WDR72: variants seen among roughly 807,000 people sequenced by gnomAD.
The protein encoded by WDR72 is WD repeat-containing protein 72.
Under a neutral mutation model 124.2 loss-of-function variants are expected in WDR72, and 120 were observed. That is an observed-to-expected ratio of 0.97 (90% CI 0.83 to 1.12). The LOEUF is 1.12. Among genes scored for constraint, WDR72 ranks in the 50% most tolerant of loss-of-function variants. The pLI, the probability that WDR72 is intolerant of heterozygous loss-of-function variation, is 0.00. For synonymous variants in WDR72, 452 were observed against 441.7 expected (o/e 1.02, Z -0.29); for missense variants, 1,387 against 1,278.8 (o/e 1.08, Z -1.29).
chr15:53,623,293 A>C (rs1447627246), intron 14 of WDR72, among the ~76,000 whole-genome samples: 2 of 152,090 alleles, frequency 1.3e-5, no homozygotes, highest in African/African-American at 4.8e-5. Flanking sequence ...AGTAGTCCCC[A>C]GTGGCTATTG....
At position 53,705,013 on chromosome 15, in the gene WDR72, A is replaced by C. The variant is rs143040659; in HGVS notation, c.1323T>G (p.Leu441=). ...CTTTTACTAAAGAACCACCTTCCAGAAGTCTTGCTTTGGCAGCATTCAAAG... is the reference window on the plus strand; with the variant it reads ...CTTTTACTAAAGAACCACCTTCCAGCAGTCTTGCTTTGGCAGCATTCAAAG... ...TQALNAAKAR[L]LEGGSLVKDS... is the part of the protein sequence containing the mutation. Residue 441 remains leucine (L), a synonymous_variant, in exon 11 of 20, where the codon CTT becomes CTG. Transcript: ENST00000360509. 1.2e-5 allele frequency: 20 copies of C among 1,614,034 alleles called. No homozygotes were observed. In the South Asian group the frequency reaches 2.2e-4, roughly 18 times the overall value.
At chr15:53,596,980 A>C in intron 18 of WDR72, 99 bp downstream of exon 18, 1 of 1,154,496 alleles carries the variant, frequency 8.7e-7, no homozygotes, top group Non-Finnish European at 1.3e-6. Flanking sequence ...GTGCACCATG[A>C]TATAATCGAA....
intron 3 of WDR72, among the ~76,000 whole-genome samples, chr15:53,718,936 T>C (rs1167289984): frequency 1.3e-5 from 2 of 152,014 alleles, no homozygotes; most frequent in African/African-American, 4.8e-5. Context: ...TAGAAAATTG[T>C]TATATTCTCA....
intron 5 of WDR72, among the ~76,000 whole-genome samples, 189 bp downstream of exon 5, chr15:53,715,004 A>G (rs930092648): frequency 4.6e-5 from 7 of 152,248 alleles, no homozygotes; most frequent in African/African-American, 1.2e-4. Context: ...TGACTTTCCA[A>G]TGTTTTGAAC....
intron 18 of WDR72, among the ~76,000 whole-genome samples, chr15:53,568,490 T>G (rs1894382493): frequency 6.6e-6 from 1 of 151,944 alleles, no homozygotes; most frequent in Non-Finnish European, 1.5e-5. Flanking sequence ...GTGTAAACAT[T>G]TTCCTTAACT....
intron 13 of WDR72, among the ~76,000 whole-genome samples, chr15:53,696,919 T>G (rs1459696890): frequency 6.6e-6 from 1 of 152,190 alleles, no homozygotes; most frequent in Non-Finnish European, 1.5e-5. Context: ...AAGGCTCAAA[T>G]GAGGTGGTCA....
rs185095054 is a variant in WDR72, at chr15:53,526,754, G to A, written c.3149-3432C>T. Among the ~76,000 whole-genome samples, 68 of 152,170 alleles carry A rather than the reference G, an allele frequency of 4.5e-4. No homozygotes were observed. The East Asian group carries it at 9.7e-3, about 22-fold the overall frequency. On this transcript the variant is annotated intron_variant, in intron 18 of 19. Transcript: ENST00000360509. ...GGTGCATTTCAGAGCTTGGCAGAGA[G>A]ATACTTTTGACATCAATATAATGCA...
intron 17 of WDR72, among the ~76,000 whole-genome samples, chr15:53,605,711 T>C (rs2013250724): frequency 6.6e-6 from 1 of 151,836 alleles, no homozygotes; most frequent in Non-Finnish European, 1.5e-5. Flanking sequence ...AAAAATTAGC[T>C]GGGCATGGTG....
At chr15:53,760,968 G>C (rs2019052661), upstream of WDR72, among the ~76,000 whole-genome samples, 1 of 151,904 alleles carries the variant, frequency 6.6e-6, no homozygotes, top group Admixed American at 6.6e-5. Flanking sequence ...TACTGAAAAT[G>C]CAAAAATTAG....
chr15:53,517,132 C>G lies in WDR72; in HGVS notation c.*567G>C, dbSNP rs1290175987. The G allele has an allele frequency of 6.3e-6, 1 of 159,200 alleles. No individual in the cohort carries two copies. The highest frequency in any genetic ancestry group is 1.4e-5 in the Non-Finnish European group (1 of 72,438). The allele number at this position is 159,200 out of a possible 1,614,324, so 9.9% of individuals were successfully genotyped here. A position where few individuals can be genotyped will look rare whatever the true frequency, so the allele number is the denominator to read the frequency against. ...ATCTCTTATTTGGGCTAATTGATAACTAAATGGAACTGGGTATTTGTTGAC... is the reference window on the plus strand; with the variant it reads ...ATCTCTTATTTGGGCTAATTGATAAGTAAATGGAACTGGGTATTTGTTGAC... On this transcript the variant is annotated 3_prime_UTR_variant, in exon 20 of 20. Coordinates refer to ENST00000360509, the MANE Select transcript of WDR72 (RefSeq NM_182758.4).
At chr15:53,525,758 G>A (rs1395610328) in intron 18 of WDR72, among the ~76,000 whole-genome samples, 2 of 151,986 alleles carry the variant, frequency 1.3e-5, no homozygotes. Flanking sequence ...CTTGTGTGGG[G>A]GAGGGGAAAT....
chr15:53,687,578 C>A (rs1317906647), intron 13 of WDR72, among the ~76,000 whole-genome samples: 3 of 149,116 alleles, frequency 2.0e-5, no homozygotes, highest in African/African-American at 7.4e-5. Context: ...CAATAGCTTA[C>A]CAACCAAAAA....
chr15:53,671,700 T>G (rs961670077), intron 13 of WDR72, among the ~76,000 whole-genome samples: 1 of 152,216 alleles, frequency 6.6e-6, no homozygotes, highest in Non-Finnish European at 1.5e-5. Flanking sequence ...TTCACAAGCC[T>G]GAGGCCTGTC....
rs1567054847 is a variant in WDR72, at chr15:53,733,123, T to C, written c.27A>G (p.Ala9=). 3.1e-6 allele frequency: 5 copies of C among 1,613,930 alleles called. No homozygotes were observed. The highest frequency in any genetic ancestry group is 4.2e-6 in the Non-Finnish European group (5 of 1,179,948). The change falls in exon 2 of 20, where the codon GCA becomes GCG. Residue 9 remains alanine (A), a synonymous_variant. Coordinates refer to ENST00000360509, the MANE Select transcript of WDR72 (RefSeq NM_182758.4). MRTSLQAV[A]LWGQKAPPHS... is the part of the protein sequence containing the mutation. ...GGGGAGGGGCCTTCTGTCCCCAGAG[T>C]GCCACTGCCTGCAGGGAAGTCCTCA...
intron 18 of WDR72, among the ~76,000 whole-genome samples, chr15:53,581,321 TTA>T (rs2011914341): frequency 6.6e-6 from 1 of 152,070 alleles, no homozygotes; most frequent in African/African-American, 2.4e-5. Context: ...GACCAAAAGT[TTA>T]TATGACTGTC....
chr15:53,621,159 G>A (rs1163626056), intron 14 of WDR72, among the ~76,000 whole-genome samples: 2 of 151,962 alleles, frequency 1.3e-5, no homozygotes, highest in African/African-American at 2.4e-5. Context: ...TGGCTTGGAT[G>A]TGGTAAACAG....
chr15:53,659,862 G>A (rs574501920), intron 14 of WDR72, among the ~76,000 whole-genome samples: 2 of 151,956 alleles, frequency 1.3e-5, no homozygotes, highest in South Asian at 2.1e-4. Context: ...CTCCCCTAAC[G>A]TTTATTTCTT....
chr15:53,725,394 A>T (rs2017992950), intron 2 of WDR72, among the ~76,000 whole-genome samples: 1 of 152,192 alleles, frequency 6.6e-6, no homozygotes, highest in African/African-American at 2.4e-5. Flanking sequence ...AAAAGAGTAC[A>T]GTAGTTTCAT....
At chr15:53,760,342 C>G (rs1350242229), upstream of WDR72, among the ~76,000 whole-genome samples, 1 of 149,162 alleles carries the variant, frequency 6.7e-6, no homozygotes, top group African/African-American at 2.5e-5. Context: ...CTACCCTTCA[C>G]AGCCTTTGAT....
Sources: allele counts gnomAD v4.1 joint callset (sites outside exome capture counted in the v4.1 genomes callset), GRCh38; gene constraint gnomAD v4.1.1; transcripts MANE v1.5; gene names NCBI Gene and HGNC (gene_info 2026-07-23, HGNC 2026-07-21).